Variants in ANO6 observed in about 807,000 individuals in gnomAD.
ANO6 encodes anoctamin 6.
Under a neutral mutation model 117.5 loss-of-function variants are expected in ANO6, and 106 were observed. That is an observed-to-expected ratio of 0.90 (90% confidence interval 0.77 to 1.06). The LOEUF is 1.06. ANO6 is among the 50% of genes least tolerant of loss of function. ANO6 has a pLI of 0.00. For missense variants in ANO6, 955 were observed against 1,121.1 expected, an observed-to-expected ratio of 0.85 and a Z score of 2.12; for synonymous variants, 367 against 385.1, an observed-to-expected ratio of 0.95 and a Z score of 0.55.
chr12:45,294,214 C>G (rs1939213397), intron 1 of ANO6, among the ~76,000 whole-genome samples: 1 of 152,084 alleles, frequency 6.6e-6, no homozygotes, highest in Non-Finnish European at 1.5e-5. Flanking sequence ...GGGAATTGAA[C>G]TGATGATAAT....
chr12:45,288,391 C>A (rs570699564), intron 1 of ANO6, among the ~76,000 whole-genome samples: 47 of 152,250 alleles, frequency 3.1e-4, no homozygotes, highest in Admixed American at 8.5e-4. Context: ...ACCAATTAAA[C>A]AATAACTCCC....
intron 1 of ANO6, chr12:45,270,661 T>TG (rs1212093525): frequency 4.4e-6 from 2 of 456,710 alleles, no homozygotes; most frequent in African/African-American, 4.0e-5. Context: ...TTTGTTGAAT[T>TG]GAAGTTCTGT....
At chr12:45,322,138 T>A (rs775568576) in intron 2 of ANO6, among the ~76,000 whole-genome samples, 2 of 152,088 alleles carry the variant, frequency 1.3e-5, no homozygotes, top group South Asian at 4.1e-4. Flanking sequence ...GGTTTTGATC[T>A]TGCAGGTTCC....
At chr12:45,414,882 T>C (rs1943175650) in intron 16 of ANO6, among the ~76,000 whole-genome samples, 1 of 152,002 alleles carries the variant, frequency 6.6e-6, no homozygotes, top group South Asian at 2.1e-4. Flanking sequence ...TCCCACCTCA[T>C]CCTCCTGGGT....
chr12:45,365,672 A>G (rs537616213), intron 8 of ANO6, among the ~76,000 whole-genome samples: 41 of 152,254 alleles, frequency 2.7e-4, no homozygotes, highest in Non-Finnish European at 5.9e-5. Context: ...CACAGCTTCT[A>G]TAGTTACAAG....
rs552892958 is a variant in ANO6, at chr12:45,242,612, A to G, written c.70+26221A>G. The stretch of plus-strand genomic sequence containing the variant: ...CCAACCAGTCCCAATGAGATGAACC[A>G]GGTACCTCAGTTGGAAATGCAGAAA... On this transcript the variant is annotated intron_variant, in intron 1 of 19. Coordinates refer to ENST00000320560, the MANE Select transcript of ANO6 (RefSeq NM_001025356.3). Among the ~76,000 whole-genome samples the G allele has an allele frequency of 1.2e-3, 189 of 152,334 alleles. 1 individual carries two copies. The highest frequency in any genetic ancestry group is 1.8e-3 in the Non-Finnish European group (125 of 68,022).
At chr12:45,342,928 TGAAAG>T (rs1941021976) in intron 3 of ANO6, among the ~76,000 whole-genome samples, 2 of 151,922 alleles carry the variant, frequency 1.3e-5, no homozygotes, top group African/African-American at 4.8e-5. Context: ...AGAAGAGAGA[TGAAAG>T]GATAGACTTC....
chr12:45,306,326 A>G (rs1414771063), intron 2 of ANO6, among the ~76,000 whole-genome samples: 1 of 152,218 alleles, frequency 6.6e-6, no homozygotes, highest in Non-Finnish European at 1.5e-5. Context: ...TTTGGAATAA[A>G]TAATAAGAAA....
chr12:45,427,639 T>C (rs1943535467), intron 19 of ANO6, among the ~76,000 whole-genome samples: 1 of 150,350 alleles, frequency 6.7e-6, no homozygotes, highest in Non-Finnish European at 1.5e-5. Context: ...TTTTGATTGA[T>C]AAATTAAAAA....
chr12:45,262,570 G>T (rs1360389213), intron 1 of ANO6, among the ~76,000 whole-genome samples: 1 of 152,052 alleles, frequency 6.6e-6, no homozygotes, highest in African/African-American at 2.4e-5. Context: ...GATTACAGGT[G>T]TGTGCCACCA....
intron 7 of ANO6, among the ~76,000 whole-genome samples, chr12:45,352,650 G>C (rs555785509): frequency 6.7e-6 from 1 of 150,094 alleles, no homozygotes; most frequent in African/African-American, 2.5e-5. Flanking sequence ...AGAATTGCTC[G>C]AGTCCAGGAG....
intron 8 of ANO6, among the ~76,000 whole-genome samples, chr12:45,361,276 C>T (rs892937764): frequency 1.5e-4 from 23 of 152,044 alleles, no homozygotes; most frequent in Admixed American, 5.9e-4. Flanking sequence ...TAAATTTATT[C>T]TAAGTACATT....
Position 45,402,975 on chromosome 12 carries a change from C to T in ANO6, c.1613-97C>T, listed in dbSNP as rs186433057. 4.2e-5 allele frequency: 46 copies of T among 1,098,308 alleles called. No individual in the cohort carries two copies. The East Asian group carries it at 5.6e-4, about 13-fold the overall frequency. The allele number at this position is 1,098,308 out of a possible 1,614,324, so 68.0% of individuals were successfully genotyped here. On this transcript the variant is annotated intron_variant, in intron 13 of 19. Coordinates refer to ENST00000320560, the MANE Select transcript of ANO6 (RefSeq NM_001025356.3). The stretch of plus-strand genomic sequence containing the variant: ...AACAGTGTGAATTGTATTTTTTTAA[C>T]GTGTTTAACGTGTTAACTCATGTAT...
intron 3 of ANO6, among the ~76,000 whole-genome samples, chr12:45,345,534 C>G (rs73281506): frequency 6.6e-6 from 1 of 152,144 alleles, no homozygotes; most frequent in Non-Finnish European, 1.5e-5. Context: ...AATATTCCAC[C>G]CAGCGTTTTC....
intron 1 of ANO6, among the ~76,000 whole-genome samples, chr12:45,233,727 A>G (rs1013639452): frequency 6.6e-6 from 1 of 152,152 alleles, no homozygotes; most frequent in African/African-American, 2.4e-5. Flanking sequence ...ACCACCCAAA[A>G]CAAGAGATGG....
chr12:45,388,113 A>T (rs1286480307), intron 10 of ANO6, 48 bp from the exon 11 acceptor site: 3 of 1,609,696 alleles, frequency 1.9e-6, no homozygotes, highest in East Asian at 2.2e-5. Flanking sequence ...TTTCTGAAAC[A>T]TCAGTCATCA....
chr12:45,390,570 A>C, intron 12 of ANO6, 72 bp downstream of exon 12: 4 of 1,308,818 alleles, frequency 3.1e-6, no homozygotes, highest in Non-Finnish European at 2.2e-6. Context: ...TTTAATATCT[A>C]ATTTTAAATG....
intron 8 of ANO6, among the ~76,000 whole-genome samples, chr12:45,366,676 T>G (rs934218302): frequency 5.9e-5 from 9 of 152,210 alleles, no homozygotes. Context: ...CCACTGAATT[T>G]ATAGCTTAAA....
chr12:45,266,631 A>T (rs1211184682), intron 1 of ANO6, among the ~76,000 whole-genome samples: 2 of 152,178 alleles, frequency 1.3e-5, no homozygotes, highest in East Asian at 3.9e-4. Flanking sequence ...CCTCATCTCT[A>T]CAAAAACGTT....
Sources: allele counts gnomAD v4.1 joint callset (sites outside exome capture counted in the v4.1 genomes callset), GRCh38; gene constraint gnomAD v4.1.1; transcripts MANE v1.5; gene names NCBI Gene and HGNC (gene_info 2026-07-23, HGNC 2026-07-21).